Variants in CSMD1 observed in about 807,000 individuals in gnomAD.
The protein encoded by CSMD1 is CUB and sushi domain-containing protein 1.
CSMD1 carries 213 observed loss-of-function variants against 417.5 expected under a neutral mutation model. The ratio of observed to expected loss-of-function variants is 0.51; its 90% CI spans 0.46 to 0.57. CSMD1 has a LOEUF of 0.57. Among genes scored for constraint, CSMD1 ranks in the 20% least tolerant of loss-of-function variants. CSMD1 has a pLI of 0.00. For synonymous variants in CSMD1, 2,862 were observed against 1,736.8 expected (o/e 1.65, Z -16.11); for missense variants, 6,923 against 4,529.7 (o/e 1.53, Z -15.17).
intron 2 of CSMD1, among the ~76,000 whole-genome samples, chr8:4,572,662 C>A (rs953339981): frequency 6.6e-6 from 1 of 152,132 alleles, no homozygotes; most frequent in Non-Finnish European, 1.5e-5. Context: ...GAATGTTGGC[C>A]TGTCTTGCTA....
intron 5 of CSMD1, among the ~76,000 whole-genome samples, chr8:3,942,238 A>T (rs1239883101): frequency 1.3e-5 from 2 of 152,044 alleles, no homozygotes; most frequent in South Asian, 2.1e-4. Context: ...ATTACTGTGT[A>T]ATCTTAATAG....
chr8:3,535,752 G>C (rs935007499), intron 10 of CSMD1, among the ~76,000 whole-genome samples: 13 of 152,094 alleles, frequency 8.5e-5, no homozygotes, highest in African/African-American at 2.7e-4. Context: ...CAATTATGTA[G>C]TGCTTGGCAG....
chr8:3,806,799 G>A (rs76643744), intron 5 of CSMD1, among the ~76,000 whole-genome samples: 2 of 152,302 alleles, frequency 1.3e-5, no homozygotes, highest in East Asian at 3.9e-4. Flanking sequence ...AATACTAGGT[G>A]CAGCATAGTT....
chr8:4,136,243 G>GA (rs1803425788), intron 3 of CSMD1, among the ~76,000 whole-genome samples: 1 of 152,154 alleles, frequency 6.6e-6, no homozygotes, highest in Non-Finnish European at 1.5e-5. Flanking sequence ...TATTGAACCA[G>GA]ACTTGACAGA....
intron 4 of CSMD1, among the ~76,000 whole-genome samples, chr8:4,017,847 T>C (rs940524977): frequency 6.6e-6 from 1 of 152,178 alleles, no homozygotes; most frequent in African/African-American, 2.4e-5. Flanking sequence ...TGACTGTATA[T>C]CTGGTGGTGA....
rs111241467 is a variant in CSMD1 at position 2,958,962 on chromosome 8, T to G, written c.9703-1155A>C. Among the ~76,000 whole-genome samples, 122 of 152,362 alleles carry G rather than the reference T, an allele frequency of 8.0e-4. 1 individual carries two copies. The highest frequency in any genetic ancestry group is 2.9e-3 in the African/African-American group (120 of 41,594). On this transcript the variant is annotated intron_variant, in intron 62 of 69. Coordinates refer to ENST00000635120, the MANE Select transcript of CSMD1 (RefSeq NM_033225.6). ...AAGGATATCAGGAGAAAAAAAATGC[T>G]GCTTCTAGCACTTGATAAAGTGGAA...
chr8:3,699,815 A>T (rs1408129971), intron 7 of CSMD1, among the ~76,000 whole-genome samples: 1 of 152,144 alleles, frequency 6.6e-6, no homozygotes, highest in Non-Finnish European at 1.5e-5. Flanking sequence ...AATTGAAGAA[A>T]AACATGAGCA....
chr8:3,294,989 G>A (rs1803858017), intron 25 of CSMD1, among the ~76,000 whole-genome samples: 2 of 152,064 alleles, frequency 1.3e-5, no homozygotes, highest in Admixed American at 6.6e-5. Flanking sequence ...TATATTTTTA[G>A]AAGCTTCATA....
chr8:3,840,777 C>A (rs905276931), intron 5 of CSMD1, among the ~76,000 whole-genome samples: 1 of 150,470 alleles, frequency 6.6e-6, no homozygotes, highest in Non-Finnish European at 1.5e-5. Flanking sequence ...TTCACTGCAA[C>A]GTCCGCCTCC....
chr8:3,805,372 C>G (rs1457401521), intron 5 of CSMD1, among the ~76,000 whole-genome samples: 1 of 152,064 alleles, frequency 6.6e-6, no homozygotes, highest in Non-Finnish European at 1.5e-5. Context: ...AGAGAGGAGC[C>G]ACAAGTTACC....
In CSMD1 at chr8:3,511,002, C is replaced by G. The variant is rs7009974; in HGVS notation, c.1345-17276G>C. Among the ~76,000 whole-genome samples the G allele has an allele frequency of 7.3e-5, 11 of 151,418 alleles. No individual in the cohort carries two copies. In the South Asian group the frequency reaches 1.2e-3, roughly 17 times the overall value. On this transcript the variant is annotated intron_variant, in intron 10 of 69. Transcript: ENST00000635120. ...ACCCAAAGGCCCATCAATGATAGAC[C>G]AAACAAAGAAAACGTGGCACTTATA...
chr8:3,656,542 A>G (rs1240994833), intron 7 of CSMD1, among the ~76,000 whole-genome samples: 1 of 152,228 alleles, frequency 6.6e-6, no homozygotes, highest in Non-Finnish European at 1.5e-5. Flanking sequence ...TAATGGGTAG[A>G]TGCTCAAATG....
chr8:2,960,133 G>C (rs922460709), intron 62 of CSMD1, among the ~76,000 whole-genome samples: 3 of 152,214 alleles, frequency 2.0e-5, no homozygotes, highest in African/African-American at 7.2e-5. Context: ...GAATCAGTGA[G>C]AGCGACATCC....
At chr8:4,878,665 A>G (rs1803201435) in intron 1 of CSMD1, among the ~76,000 whole-genome samples, 1 of 151,962 alleles carries the variant, frequency 6.6e-6, no homozygotes, top group Admixed American at 6.5e-5. Context: ...ATTACTTGTG[A>G]AATGTGTAGG....
chr8:3,389,943 G>C (rs1017867270), intron 17 of CSMD1, among the ~76,000 whole-genome samples: 4 of 152,116 alleles, frequency 2.6e-5, no homozygotes, highest in Non-Finnish European at 5.9e-5. Flanking sequence ...TGTTTGAATG[G>C]AGAGTACAGG....
chr8:4,426,302 T>A (rs915949338), intron 2 of CSMD1, among the ~76,000 whole-genome samples: 2 of 151,468 alleles, frequency 1.3e-5, no homozygotes, highest in African/African-American at 4.8e-5. Context: ...CAAAATTTGT[T>A]GTAGATATAA....
At chr8:4,405,136 C>G (rs1179949503) in intron 3 of CSMD1, among the ~76,000 whole-genome samples, 1 of 152,196 alleles carries the variant, frequency 6.6e-6, no homozygotes, top group East Asian at 1.9e-4. Flanking sequence ...GGTTATTTCA[C>G]ATAGGAGAAG....
At chr8:4,746,586 T>C (rs1810968968) in intron 1 of CSMD1, among the ~76,000 whole-genome samples, 1 of 152,208 alleles carries the variant, frequency 6.6e-6, no homozygotes, top group African/African-American at 2.4e-5. Context: ...TGTGATCTAT[T>C]CTAGCGAGCA....
intron 7 of CSMD1, among the ~76,000 whole-genome samples, chr8:3,625,329 C>G (rs1227842047): frequency 6.6e-6 from 1 of 152,176 alleles, no homozygotes; most frequent in Non-Finnish European, 1.5e-5. Context: ...TAATGGATCT[C>G]CAATTGGACG....
Sources: gnomAD v4.1 joint callset for allele counts (sites outside exome capture counted in the v4.1 genomes callset) on GRCh38, gnomAD v4.1.1 for gene constraint, MANE v1.5 for transcripts, NCBI Gene and HGNC (gene_info 2026-07-23, HGNC 2026-07-21) for gene names.